The following HUNK variants were observed in gnomAD, a reference collection of about 807,000 sequenced individuals.
HUNK encodes hormonally up-regulated neu tumor-associated kinase.
HUNK carries 21 observed loss-of-function variants against 61.0 expected under a neutral mutation model. The observed-to-expected ratio is 0.34, with a 90% CI of 0.24 to 0.50. HUNK has a LOEUF of 0.50. Among genes scored for constraint, HUNK ranks in the 20% least tolerant of loss-of-function variants. The pLI, the probability that HUNK is intolerant of heterozygous loss-of-function variation, is 0.98. For synonymous variants in HUNK, 371 were observed against 386.1 expected (o/e 0.96, Z 0.46); for missense variants, 772 against 945.7 (o/e 0.82, Z 2.41).
At chr21:31,984,897 A>G (rs2053122551) in intron 8 of HUNK, among the ~76,000 whole-genome samples, 1 of 152,156 alleles carries the variant, frequency 6.6e-6, no homozygotes, top group South Asian at 2.1e-4. Context: ...TTATAAAGGA[A>G]AGAGGTTTGA....
chr21:31,892,207 AGAGT>A (rs1233241174), intron 1 of HUNK, among the ~76,000 whole-genome samples: 75 of 131,922 alleles, frequency 5.7e-4, no homozygotes, highest in African/African-American at 1.1e-3. Context: ...AGAGAGAGAG[AGAGT>A]GTGTGTGTGT....
At chr21:31,944,798 A>C (rs1226060583) in intron 3 of HUNK, among the ~76,000 whole-genome samples, 2 of 152,242 alleles carry the variant, frequency 1.3e-5, no homozygotes, top group Admixed American at 1.3e-4. Context: ...AGAGTCTTCA[A>C]GAGTTTTCTG....
chr21:31,995,636 A>G (rs1020322794), intron 9 of HUNK, 132 bp from the exon 10 acceptor site: 1 of 763,260 alleles, frequency 1.3e-6, no homozygotes, highest in Non-Finnish European at 2.2e-6. Flanking sequence ...TCCCTCATTC[A>G]ACACACAGTT....
chr21:31,907,473 C>T (rs866632021), intron 1 of HUNK, among the ~76,000 whole-genome samples: 24 of 152,076 alleles, frequency 1.6e-4, no homozygotes, highest in Admixed American at 4.6e-4. Flanking sequence ...GTGGCTGAGG[C>T]GAGGATGTCT....
chr21:31,929,844 G>T (rs967226537), intron 2 of HUNK, among the ~76,000 whole-genome samples: 1 of 152,202 alleles, frequency 6.6e-6, no homozygotes, highest in African/African-American at 2.4e-5. Flanking sequence ...AAGAGAGGAG[G>T]CCCTTCTTTG....
chr21:31,974,503 G>A, intron 6 of HUNK, 52 bp from the exon 7 acceptor site: 8 of 1,545,272 alleles, frequency 5.2e-6, no homozygotes, highest in Non-Finnish European at 7.0e-6. Context: ...GTCTGTGTGG[G>A]GCTCTCCGTG....
chr21:31,963,040 T>G (rs1041199048), intron 5 of HUNK, among the ~76,000 whole-genome samples: 1 of 152,258 alleles, frequency 6.6e-6, no homozygotes, highest in Non-Finnish European at 1.5e-5. Context: ...GCTGCCCTTC[T>G]GACAGCCTCC....
At chr21:31,920,958 C>T (rs952631950) in intron 1 of HUNK, among the ~76,000 whole-genome samples, 73 of 152,200 alleles carry the variant, frequency 4.8e-4, no homozygotes, top group African/African-American at 1.6e-3. Flanking sequence ...TTGAGACTAG[C>T]CTGGCCAACA....
At chr21:31,974,408 T>G in intron 6 of HUNK, 147 bp from the exon 7 acceptor site, 2 of 728,858 alleles carry the variant, frequency 2.7e-6, no homozygotes, top group Non-Finnish European at 4.4e-6. Flanking sequence ...TCCCTCCGCT[T>G]TTCTGAATAC....
rs992059589 is a variant in HUNK, at chr21:31,988,306, G to A, written c.1258-1823G>A. On this transcript the variant is annotated intron_variant, in intron 8 of 10. Coordinates refer to ENST00000270112, the MANE Select transcript of HUNK (RefSeq NM_014586.2). ...ATTGGCTTATCAAAGCCATTAGAGA[G>A]CCCAGGGCCAGTTTTATTAAAGTCT... Among the ~76,000 whole-genome samples, 5 of 152,146 alleles carry A rather than the reference G, an allele frequency of 3.3e-5. No individual in the cohort carries two copies. The South Asian group carries it at 1.0e-3, about 32-fold the overall frequency.
At chr21:31,929,246 T>C (rs1418930436) in intron 2 of HUNK, among the ~76,000 whole-genome samples, 3 of 151,468 alleles carry the variant, frequency 2.0e-5, no homozygotes, top group Middle Eastern at 3.4e-3. Flanking sequence ...AAGTAGGTTT[T>C]GTTTTTTTTT....
intron 8 of HUNK, among the ~76,000 whole-genome samples, chr21:31,989,785 G>A (rs1190868059): frequency 6.6e-6 from 1 of 151,656 alleles, no homozygotes; most frequent in Non-Finnish European, 1.5e-5. Flanking sequence ...GGGGATGGCA[G>A]GGAGGACCTT....
chr21:31,893,275 G>A, intron 1 of HUNK, among the ~76,000 whole-genome samples: 1 of 152,188 alleles, frequency 6.6e-6, no homozygotes, highest in East Asian at 1.9e-4. Flanking sequence ...AATGTACGGT[G>A]GTGAATAAAG....
At chr21:31,964,731 T>C (rs2052951543) in intron 5 of HUNK, among the ~76,000 whole-genome samples, 1 of 152,240 alleles carries the variant, frequency 6.6e-6, no homozygotes, top group African/African-American at 2.4e-5. Flanking sequence ...GCAATGTCTG[T>C]GACGTCCAAA....
At chr21:31,960,321 A>T (rs9984771) in intron 5 of HUNK, among the ~76,000 whole-genome samples, 17,329 of 152,252 alleles carry the variant, frequency 0.11, 1,384 homozygotes, top group Non-Finnish European at 0.17. Context: ...GGTATTTGGT[A>T]ATGTTAAGTG....
chr21:31,949,219 G>A (rs1248474923), intron 4 of HUNK, among the ~76,000 whole-genome samples: 1 of 152,220 alleles, frequency 6.6e-6, no homozygotes, highest in Admixed American at 6.5e-5. Flanking sequence ...CTGATGACGG[G>A]CCCAGGTGGG....
chr21:31,876,172 T>A (rs908236346), intron 1 of HUNK, among the ~76,000 whole-genome samples: 1 of 152,176 alleles, frequency 6.6e-6, no homozygotes, highest in Admixed American at 6.5e-5. Context: ...GATGTAAAAT[T>A]ATTCCCCTGG....
intron 4 of HUNK, among the ~76,000 whole-genome samples, chr21:31,954,077 G>T (rs1329322220): frequency 1.3e-5 from 2 of 152,208 alleles, no homozygotes; most frequent in African/African-American, 4.8e-5. Flanking sequence ...AAGCAGTTTG[G>T]TGTCTCAGGG....
chr21:31,992,766 G>A (rs1313201256), intron 9 of HUNK, among the ~76,000 whole-genome samples: 2 of 152,356 alleles, frequency 1.3e-5, no homozygotes, highest in East Asian at 3.9e-4. Flanking sequence ...GAGAAAACAG[G>A]CCATGCAAAT....
Sources: allele counts gnomAD v4.1 joint callset (sites outside exome capture counted in the v4.1 genomes callset), GRCh38; gene constraint gnomAD v4.1.1; transcripts MANE v1.5; gene names NCBI Gene and HGNC (gene_info 2026-07-23, HGNC 2026-07-21).